CADM2: variants seen among roughly 807,000 people sequenced by gnomAD.
The protein encoded by CADM2 is cell adhesion molecule 2.
In CADM2, 12 loss-of-function variants were observed where a neutral mutation model predicts 49.8. That is an observed-to-expected ratio of 0.24 (90% CI 0.15 to 0.39). The LOEUF is 0.39. Among genes scored for constraint, CADM2 ranks in the 10% least tolerant of loss-of-function variants. The pLI, the probability that CADM2 is intolerant of heterozygous loss-of-function variation, is 1.00. For synonymous variants in CADM2, 214 were observed against 175.4 expected (o/e 1.22, Z -1.74); for missense variants, 378 against 492.3 (o/e 0.77, Z 2.20).
chr3:85,856,256 GT>G (rs2075313974), intron 3 of CADM2, among the ~76,000 whole-genome samples: 1 of 152,146 alleles, frequency 6.6e-6, no homozygotes, highest in African/African-American at 2.4e-5. Flanking sequence ...AATATTTTAG[GT>G]TTATTCCTTT....
chr3:85,803,356 A>T (rs1271723973), intron 3 of CADM2, among the ~76,000 whole-genome samples: 1 of 152,138 alleles, frequency 6.6e-6, no homozygotes, highest in Non-Finnish European at 1.5e-5. Flanking sequence ...GAGACAGACA[A>T]TAAAGAAACA....
At chr3:85,287,837 T>C (rs2043672058) in intron 1 of CADM2, among the ~76,000 whole-genome samples, 2 of 151,436 alleles carry the variant, frequency 1.3e-5, no homozygotes, top group South Asian at 4.1e-4. Context: ...CTCAGCAAAC[T>C]ATCGCAAGGA....
At chr3:85,055,844 A>G (rs1432549781) in intron 1 of CADM2, among the ~76,000 whole-genome samples, 2 of 152,036 alleles carry the variant, frequency 1.3e-5, no homozygotes, top group Non-Finnish European at 2.9e-5. Flanking sequence ...CTCAGGCCCT[A>G]TCCCAGAGCT....
At chr3:85,155,823 C>T (rs920042035) in intron 1 of CADM2, among the ~76,000 whole-genome samples, 1 of 152,152 alleles carries the variant, frequency 6.6e-6, no homozygotes, top group Non-Finnish European at 1.5e-5. Context: ...AATTGAACAA[C>T]CTGCTCCTGA....
intron 1 of CADM2, among the ~76,000 whole-genome samples, chr3:85,547,356 A>C (rs1385605304): frequency 6.6e-6 from 1 of 152,254 alleles, no homozygotes; most frequent in East Asian, 1.9e-4. Context: ...GCAATTAACC[A>C]AGAAAATATG....
chr3:85,517,585 A>G (rs2060934744), intron 1 of CADM2, among the ~76,000 whole-genome samples: 1 of 152,180 alleles, frequency 6.6e-6, no homozygotes, highest in South Asian at 2.1e-4. Flanking sequence ...GACAGCCATG[A>G]CTATGCTTAA....
chr3:85,730,999 A>G (rs758959556), intron 2 of CADM2, among the ~76,000 whole-genome samples: 10 of 152,198 alleles, frequency 6.6e-5, no homozygotes, highest in African/African-American at 2.4e-4. Context: ...CAGAGCCCTT[A>G]GCTATCTAAA....
intron 8 of CADM2, among the ~76,000 whole-genome samples, chr3:86,040,151 C>T (rs1310489777): frequency 2.6e-5 from 4 of 152,096 alleles, no homozygotes; most frequent in African/African-American, 9.7e-5. Flanking sequence ...AGCAGAAAAA[C>T]TGGAAACTCT....
chr3:85,287,691 A>G (rs1294923638), intron 1 of CADM2, among the ~76,000 whole-genome samples: 1 of 152,108 alleles, frequency 6.6e-6, no homozygotes, highest in Non-Finnish European at 1.5e-5. Flanking sequence ...AGAACAAAAT[A>G]TTTCACTTTT....
At chr3:85,446,751 G>A (rs1183364370) in intron 1 of CADM2, among the ~76,000 whole-genome samples, 2 of 149,270 alleles carry the variant, frequency 1.3e-5, no homozygotes, top group Admixed American at 6.7e-5. Flanking sequence ...TATAGGCATG[G>A]GCCACCACAC....
At chr3:85,381,198 T>C (rs984082416) in intron 1 of CADM2, among the ~76,000 whole-genome samples, 1 of 152,016 alleles carries the variant, frequency 6.6e-6, no homozygotes, top group Non-Finnish European at 1.5e-5. Context: ...TTGGAGCTGA[T>C]TTCCGTAGTA....
At chr3:85,060,521 T>C (rs759582374) in intron 1 of CADM2, among the ~76,000 whole-genome samples, 10 of 152,210 alleles carry the variant, frequency 6.6e-5, no homozygotes, top group African/African-American at 2.2e-4. Context: ...CTTGGAGTTA[T>C]GGTAAATGAA....
chr3:85,210,567 G>T lies in CADM2; in HGVS notation c.61+250899G>T, dbSNP rs186092707. 3.7e-4 allele frequency among the ~76,000 whole-genome samples: 56 copies of T among 151,938 alleles called. 1 individual carries two copies. The East Asian group carries it at 9.7e-3, about 26-fold the overall frequency. ...TTTTCTTTTTTCTTTTTTGAAACAA[G>T]GTCTGGCTCTGTTGCCCAGGTTGGA... is the stretch of plus-strand genomic sequence containing the variant. On this transcript the variant is annotated intron_variant, in intron 1 of 9. Coordinates refer to ENST00000383699, the MANE Select transcript of CADM2 (RefSeq NM_001167675.2).
chr3:85,322,095 C>T (rs554238120), intron 1 of CADM2, among the ~76,000 whole-genome samples: 69 of 151,494 alleles, frequency 4.6e-4, no homozygotes, highest in African/African-American at 1.6e-3. Flanking sequence ...TGTGTGAAAG[C>T]ACCTTATTTA....
chr3:85,822,369 A>AGCCT (rs1231828762), intron 3 of CADM2, among the ~76,000 whole-genome samples: 1 of 152,088 alleles, frequency 6.6e-6, no homozygotes, highest in Non-Finnish European at 1.5e-5. Context: ...AGATCACTTG[A>AGCCT]GGTCAGGAGT....
At position 84,964,749 on chromosome 3, in the gene CADM2, A is replaced by T. The variant is rs551016567; in HGVS notation, c.61+5081A>T. On this transcript the variant is annotated intron_variant, in intron 1 of 9. Transcript: ENST00000383699. ...GGCAAGCTCTGAGCCTCACATAGCT[A>T]TGCAATTTTCTTATCCTCATTTTAG... Among the ~76,000 whole-genome samples, 8 of 152,328 alleles carry T rather than the reference A, an allele frequency of 5.3e-5. No individual in the cohort carries two copies. The South Asian group carries it at 1.7e-3, about 32-fold the overall frequency.
chr3:85,876,177 A>G (rs1711811527), intron 3 of CADM2, among the ~76,000 whole-genome samples: 2 of 152,144 alleles, frequency 1.3e-5, no homozygotes, highest in African/African-American at 2.4e-5. Flanking sequence ...TATGAGTGTA[A>G]ATGTTATACA....
chr3:85,080,009 G>T lies in CADM2; in HGVS notation c.61+120341G>T, dbSNP rs569039109. ...GGAAAACACAAAATAAACTTTAGAG[G>T]TAATAGTAAGTATTGAAGTGTCAAG... On this transcript the variant is annotated intron_variant, in intron 1 of 9. Coordinates refer to ENST00000383699, the MANE Select transcript of CADM2 (RefSeq NM_001167675.2). Among the ~76,000 whole-genome samples, 4 of 151,958 alleles carry T rather than the reference G, an allele frequency of 2.6e-5. No homozygotes were observed. In the South Asian group the frequency reaches 6.2e-4, roughly 24 times the overall value.
intron 1 of CADM2, among the ~76,000 whole-genome samples, chr3:84,987,889 A>G (rs1310403681): frequency 6.6e-6 from 1 of 152,218 alleles, no homozygotes; most frequent in Non-Finnish European, 1.5e-5. Context: ...GGAACTGATA[A>G]GGATAAATGA....
Sources: gnomAD v4.1 joint callset for allele counts (sites outside exome capture counted in the v4.1 genomes callset) on GRCh38, gnomAD v4.1.1 for gene constraint, MANE v1.5 for transcripts, NCBI Gene and HGNC (gene_info 2026-07-23, HGNC 2026-07-21) for gene names.